Variants in LRFN5 observed in about 807,000 individuals in gnomAD.
The protein encoded by LRFN5 is leucine-rich repeat and fibronectin type-III domain-containing protein 5.
In LRFN5, 24 loss-of-function variants were observed where a neutral mutation model predicts 45.6. That is an observed-to-expected ratio of 0.53 (90% CI 0.38 to 0.74). The LOEUF is 0.74. LRFN5 is among the 30% of genes least tolerant of loss of function. LRFN5 has a pLI of 0.00. For synonymous variants in LRFN5, 340 were observed against 313.8 expected, an observed-to-expected ratio of 1.08 and a Z score of -0.88; for missense variants, 776 against 861.5, an observed-to-expected ratio of 0.90 and a Z score of 1.24.
At chr14:41,680,137 A>G (rs1881819339) in intron 1 of LRFN5, among the ~76,000 whole-genome samples, 1 of 152,202 alleles carries the variant, frequency 6.6e-6, no homozygotes, top group South Asian at 2.1e-4. Context: ...TTACAACTCC[A>G]GGCTCTGGAT....
chr14:41,842,835 A>G (rs1383323347), intron 2 of LRFN5, among the ~76,000 whole-genome samples: 1 of 152,096 alleles, frequency 6.6e-6, no homozygotes, highest in Non-Finnish European at 1.5e-5. Flanking sequence ...TGTGGTTTTA[A>G]GTACATTCCC....
intron 2 of LRFN5, among the ~76,000 whole-genome samples, chr14:41,779,552 A>C (rs1173696215): frequency 6.6e-6 from 1 of 151,890 alleles, no homozygotes; most frequent in Non-Finnish European, 1.5e-5. Flanking sequence ...GAACAACATA[A>C]TTTCCCCTTA....
At chr14:41,862,600 A>G (rs1170249799) in intron 2 of LRFN5, among the ~76,000 whole-genome samples, 1 of 152,202 alleles carries the variant, frequency 6.6e-6, no homozygotes, top group Admixed American at 6.5e-5. Flanking sequence ...CATAATTTAT[A>G]CATGCACATA....
intron 1 of LRFN5, among the ~76,000 whole-genome samples, chr14:41,652,882 T>C (rs1199877947): frequency 6.6e-6 from 1 of 152,164 alleles, no homozygotes; most frequent in Non-Finnish European, 1.5e-5. Context: ...GGTGTCTCAC[T>C]GTGGTTTTGA....
intron 1 of LRFN5, among the ~76,000 whole-genome samples, chr14:41,661,807 A>T (rs1160949874): frequency 2.0e-5 from 3 of 152,058 alleles, no homozygotes; most frequent in Non-Finnish European, 2.9e-5. Flanking sequence ...TTTGAGAGTA[A>T]TTTGTGGGAA....
chr14:41,641,160 T>C (rs1012168219), intron 1 of LRFN5, among the ~76,000 whole-genome samples: 1 of 152,240 alleles, frequency 6.6e-6, no homozygotes, highest in African/African-American at 2.4e-5. Context: ...TTGAGACATA[T>C]TTGATAATTC....
At chr14:41,651,851 C>T (rs1447358595) in intron 1 of LRFN5, among the ~76,000 whole-genome samples, 9 of 152,078 alleles carry the variant, frequency 5.9e-5, no homozygotes, top group South Asian at 2.1e-4. Flanking sequence ...ACAAGAACAA[C>T]GTGTTGGCAG....
chr14:41,676,757 C>G (rs1268892588), intron 1 of LRFN5, among the ~76,000 whole-genome samples: 1 of 152,178 alleles, frequency 6.6e-6, no homozygotes, highest in East Asian at 1.9e-4. Context: ...TTTAAAACCA[C>G]TGATCATGCA....
At chr14:41,894,017 T>G in intron 4 of LRFN5, 1 of 984,072 alleles carries the variant, frequency 1.0e-6, no homozygotes, top group Non-Finnish European at 1.2e-6. Flanking sequence ...TTAATTAACA[T>G]CAATTGCCTA....
intron 2 of LRFN5, among the ~76,000 whole-genome samples, chr14:41,777,775 A>T (rs896807825): frequency 6.6e-6 from 1 of 151,744 alleles, no homozygotes; most frequent in South Asian, 2.1e-4. Flanking sequence ...TTTTGGATAT[A>T]TACACTGTAA....
intron 2 of LRFN5, among the ~76,000 whole-genome samples, chr14:41,779,434 C>A (rs946341121): frequency 1.3e-5 from 2 of 151,772 alleles, no homozygotes; most frequent in Non-Finnish European, 3.0e-5. Context: ...CTATAGATTT[C>A]CATTCTTGTA....
At chr14:41,717,470 C>A (rs1883539395) in intron 1 of LRFN5, among the ~76,000 whole-genome samples, 1 of 152,160 alleles carries the variant, frequency 6.6e-6, no homozygotes, top group Non-Finnish European at 1.5e-5. Context: ...GGTGAAGCAC[C>A]AGCCTTAGAG....
At chr14:41,658,473 A>C (rs1880480091) in intron 1 of LRFN5, among the ~76,000 whole-genome samples, 1 of 152,098 alleles carries the variant, frequency 6.6e-6, no homozygotes, top group East Asian at 1.9e-4. Flanking sequence ...TCTTGAAAGT[A>C]ACCTCTATGA....
rs753431205 is a variant in LRFN5, at chr14:41,887,370, T to C, written c.745T>C (p.Leu249=). The change falls in exon 3 of 6, where the codon TTG becomes CTG. Residue 249 remains leucine (L), a synonymous_variant. Coordinates refer to ENST00000298119, the MANE Select transcript of LRFN5 (RefSeq NM_152447.5). The surrounding 1 kb of genome is among the most constrained non-coding windows in gnomAD (Gnocchi z 4.8). ...GNPLHCNCEL[L]WLRRLSREDD... ...CCCCTTGCATTGCAATTGTGAATTG[T>C]TGTGGTTGAGGCGTCTGTCCAGAGA... 6.2e-7 allele frequency: 1 copy of C among 1,614,202 alleles called. No homozygotes were observed. The highest frequency in any genetic ancestry group is 8.5e-7 in the Non-Finnish European group (1 of 1,180,030).
At chr14:41,890,473 A>C (rs866111855) in intron 3 of LRFN5, among the ~76,000 whole-genome samples, 2 of 151,322 alleles carry the variant, frequency 1.3e-5, no homozygotes, top group East Asian at 2.0e-4. Flanking sequence ...TTTGGGAGGC[A>C]GAGGCGGGCG....
intron 2 of LRFN5, among the ~76,000 whole-genome samples, chr14:41,797,413 T>C (rs1887170574): frequency 6.6e-6 from 1 of 151,736 alleles, no homozygotes; most frequent in African/African-American, 2.4e-5. Flanking sequence ...AGTTTAGTCA[T>C]TGGAATATAT....
chr14:41,737,902 T>A (rs1884512751), intron 1 of LRFN5, among the ~76,000 whole-genome samples: 1 of 151,926 alleles, frequency 6.6e-6, no homozygotes, highest in African/African-American at 2.4e-5. Flanking sequence ...AGAATCAATA[T>A]CATGTAAATG....
At chr14:41,866,108 A>C (rs904396908) in intron 2 of LRFN5, among the ~76,000 whole-genome samples, 29 of 152,166 alleles carry the variant, frequency 1.9e-4, no homozygotes, top group Non-Finnish European at 8.8e-5. Context: ...GACACATCTA[A>C]AAAACTACTC....
intron 1 of LRFN5, among the ~76,000 whole-genome samples, chr14:41,673,933 G>C (rs1180928576): frequency 6.8e-6 from 1 of 146,354 alleles, no homozygotes; most frequent in African/African-American, 2.5e-5. Flanking sequence ...GGGGCGGCTG[G>C]CTGGGCGGGG....
Sources: gnomAD v4.1 joint callset for allele counts (sites outside exome capture counted in the v4.1 genomes callset) on GRCh38, gnomAD v4.1.1 for gene constraint, Gnocchi (gnomAD v3.1) non-coding constraint, MANE v1.5 for transcripts, NCBI Gene and HGNC (gene_info 2026-07-23, HGNC 2026-07-21) for gene names.